PTPRT: variants seen among roughly 807,000 people sequenced by gnomAD.
PTPRT encodes protein tyrosine phosphatase receptor type T, also known as receptor-type tyrosine-protein phosphatase T.
PTPRT carries 56 observed loss-of-function variants against 176.8 expected under a neutral mutation model. The observed-to-expected ratio is 0.32, with a 90% CI of 0.26 to 0.40. The LOEUF is 0.40. PTPRT is among the 10% of genes least tolerant of loss of function. The pLI is 1.00. For synonymous variants in PTPRT, 783 were observed against 739.0 expected, an observed-to-expected ratio of 1.06 and a Z score of -0.96; for missense variants, 1,540 against 1,908.2, an observed-to-expected ratio of 0.81 and a Z score of 3.60.
rs117822316 is a variant in PTPRT at position 42,278,686 on chromosome 20, C to T, written c.2176+3803G>A. On this transcript the variant is annotated intron_variant, in intron 13 of 30. Transcript: ENST00000373187. The stretch of plus-strand genomic sequence containing the variant: ...AGGTCAGAAACAATTTTCCCTTGGC[C>T]TGCTCTGTCTCAGCCAGAGGACATG... 3.3e-3 allele frequency among the ~76,000 whole-genome samples: 497 copies of T among 152,242 alleles called. 3 individuals carry two copies. Among genetic ancestry groups the T allele is most frequent in the South Asian group, 0.016 (76 of 4,816 alleles).
At chr20:42,161,928 C>A (rs1265381790) in intron 16 of PTPRT, among the ~76,000 whole-genome samples, 1 of 152,086 alleles carries the variant, frequency 6.6e-6, no homozygotes, top group Non-Finnish European at 1.5e-5. Flanking sequence ...GTGCCTGATG[C>A]CTGTCTGCAG....
rs79093558 is a variant in PTPRT, at chr20:42,845,219, G to A, written c.214+40588C>T. 7.7e-3 allele frequency among the ~76,000 whole-genome samples: 1,179 copies of A among 152,154 alleles called. 20 individuals are homozygous for A. The highest frequency in any genetic ancestry group is 0.026 in the African/African-American group (1,090 of 41,498). On this transcript the variant is annotated intron_variant, in intron 2 of 30. Transcript: ENST00000373187. Reference sequence around the variant, plus strand: ...CGATGTCCACTGTTGTTTCTGTTTCGGGTGTTCTTGCCCCTCAGAGGTCCA... The same window carrying A: ...CGATGTCCACTGTTGTTTCTGTTTCAGGTGTTCTTGCCCCTCAGAGGTCCA...
chr20:43,035,937 G>T (rs1986359705), intron 1 of PTPRT, among the ~76,000 whole-genome samples: 1 of 152,158 alleles, frequency 6.6e-6, no homozygotes, highest in Non-Finnish European at 1.5e-5. Context: ...AAAGGAGTTT[G>T]CCCTGAACCA....
chr20:42,843,592 T>C (rs11699742), intron 2 of PTPRT, among the ~76,000 whole-genome samples: 13,774 of 152,248 alleles, frequency 0.09, 700 homozygotes, highest in Admixed American at 0.15. Flanking sequence ...TGAGCAATAG[T>C]AAGAATATGG....
intron 11 of PTPRT, among the ~76,000 whole-genome samples, chr20:42,316,252 C>A (rs577842101): frequency 1.3e-5 from 2 of 152,320 alleles, no homozygotes; most frequent in East Asian, 3.9e-4. Flanking sequence ...CCTGTCTGCT[C>A]CTCCTTCTAC....
intron 7 of PTPRT, among the ~76,000 whole-genome samples, chr20:42,662,147 G>A (rs3091725): frequency 0.023 from 3,520 of 152,264 alleles, 156 homozygotes; most frequent in African/African-American, 0.081. Context: ...CTCTTAATAT[G>A]TTGTACCAGT....
chr20:42,208,803 A>G (rs920029629), intron 15 of PTPRT, among the ~76,000 whole-genome samples: 1 of 152,216 alleles, frequency 6.6e-6, no homozygotes, highest in African/African-American at 2.4e-5. Context: ...CCTAATAGAC[A>G]TCTACAGAAC....
Position 42,081,794 on chromosome 20 carries a change from G to C in PTPRT, c.4272+88C>G. 2.0e-6 allele frequency: 3 copies of C among 1,495,904 alleles called. No homozygotes were observed. In the South Asian group the frequency reaches 3.6e-5, roughly 18 times the overall value. 92.7% of individuals were successfully genotyped at this position (1,495,904 alleles called of 1,614,324 possible). ...GGTATACAATTAGCAGCCAGGTGTT[G>C]AGTGATGTTACTATTTGATGTCATT... On this transcript the variant is annotated intron_variant, in intron 30 of 30. Transcript: ENST00000373187.
intron 7 of PTPRT, among the ~76,000 whole-genome samples, chr20:42,584,368 T>C (rs1024229769): frequency 1.4e-4 from 21 of 152,138 alleles, no homozygotes; most frequent in African/African-American, 4.8e-4. Flanking sequence ...TGTTCCTCCC[T>C]GAACATACCA....
intron 7 of PTPRT, among the ~76,000 whole-genome samples, chr20:42,633,135 C>A (rs1228140698): frequency 6.6e-6 from 1 of 152,102 alleles, no homozygotes; most frequent in Non-Finnish European, 1.5e-5. Context: ...CTCTGGTTAT[C>A]CCCTCTAGCT....
intron 1 of PTPRT, among the ~76,000 whole-genome samples, chr20:43,129,305 GC>G (rs148641351): frequency 0.013 from 1,953 of 152,284 alleles, 18 homozygotes; most frequent in East Asian, 0.043. Context: ...TTCACAGTGT[GC>G]CCTGCAAAGG....
At chr20:42,091,101 T>A (rs1294254597) in intron 27 of PTPRT, among the ~76,000 whole-genome samples, 1 of 152,228 alleles carries the variant, frequency 6.6e-6, no homozygotes, top group Non-Finnish European at 1.5e-5. Context: ...GAAATAATCA[T>A]GCTTCTTCCA....
chr20:42,930,019 G>A (rs1464978792), intron 1 of PTPRT, among the ~76,000 whole-genome samples: 2 of 152,196 alleles, frequency 1.3e-5, no homozygotes, highest in Non-Finnish European at 2.9e-5. Flanking sequence ...CCTGGCTGTA[G>A]GCGGCTGCCA....
intron 9 of PTPRT, among the ~76,000 whole-genome samples, chr20:42,359,494 C>T (rs1018017272): frequency 2.0e-5 from 3 of 152,170 alleles, no homozygotes; most frequent in African/African-American, 4.8e-5. Flanking sequence ...TTACTGGCCT[C>T]GTGCTTCCAA....
intron 15 of PTPRT, among the ~76,000 whole-genome samples, chr20:42,203,450 C>G (rs539018168): frequency 6.6e-6 from 1 of 152,264 alleles, no homozygotes; most frequent in African/African-American, 2.4e-5. Context: ...TTTCAGAAAA[C>G]ATCAACTACC....
At chr20:43,056,226 T>C (rs1987226929) in intron 1 of PTPRT, among the ~76,000 whole-genome samples, 1 of 152,166 alleles carries the variant, frequency 6.6e-6, no homozygotes, top group African/African-American at 2.4e-5. Context: ...GTGGTGTCCC[T>C]CTTTCATGGC....
intron 7 of PTPRT, among the ~76,000 whole-genome samples, chr20:42,523,228 G>A (rs956505510): frequency 1.3e-5 from 2 of 152,120 alleles, no homozygotes; most frequent in South Asian, 2.1e-4. Context: ...AAGCCCATAC[G>A]ATGCCTTATT....
intron 9 of PTPRT, among the ~76,000 whole-genome samples, chr20:42,442,793 G>A (rs2059328496): frequency 6.6e-6 from 1 of 152,192 alleles, no homozygotes; most frequent in Non-Finnish European, 1.5e-5. Context: ...ACTCTGAACA[G>A]CTTGTCTCTG....
chr20:42,835,232 A>G (rs1431163155), intron 2 of PTPRT, among the ~76,000 whole-genome samples: 1 of 152,234 alleles, frequency 6.6e-6, no homozygotes. Context: ...TTCAGACACA[A>G]GGAGATGAGA....
Sources: gnomAD v4.1 joint callset for allele counts (sites outside exome capture counted in the v4.1 genomes callset) on GRCh38, gnomAD v4.1.1 for gene constraint, MANE v1.5 for transcripts, NCBI Gene and HGNC (gene_info 2026-07-23, HGNC 2026-07-21) for gene names.